The following CNTNAP3 variants were observed in gnomAD, a reference collection of about 807,000 sequenced individuals.
CNTNAP3 encodes contactin associated protein family member 3.
In CNTNAP3, 36 loss-of-function variants were observed where a neutral mutation model predicts 92.1. That is an observed-to-expected ratio of 0.39 (90% CI 0.30 to 0.52). CNTNAP3 has a LOEUF of 0.52. Among genes scored for constraint, CNTNAP3 ranks in the 20% least tolerant of loss-of-function variants. The pLI is 0.76. For missense variants in CNTNAP3, 534 were observed against 1,069.6 expected, an observed-to-expected ratio of 0.50 and a Z score of 6.98; for synonymous variants, 232 against 422.3, an observed-to-expected ratio of 0.55 and a Z score of 5.53.
intron 13 of CNTNAP3, among the ~76,000 whole-genome samples, chr9:39,128,790 T>G (rs1821208082): frequency 6.7e-6 from 1 of 150,128 alleles, no homozygotes; most frequent in African/African-American, 2.5e-5. Flanking sequence ...CCAAGGAAAC[T>G]AAAAAAAAAT....
At chr9:39,109,678 G>A (rs1439791924) in intron 14 of CNTNAP3, among the ~76,000 whole-genome samples, 1 of 152,094 alleles carries the variant, frequency 6.6e-6, no homozygotes, top group African/African-American at 2.4e-5. Context: ...TTTTAAAAAT[G>A]TAAAGAAAAC....
intron 17 of CNTNAP3, among the ~76,000 whole-genome samples, chr9:39,100,373 T>C (rs933180963): frequency 3.3e-5 from 5 of 152,214 alleles, no homozygotes; most frequent in African/African-American, 1.2e-4. Flanking sequence ...ATGGTGAGTC[T>C]GGCAAATAGT....
In CNTNAP3 at chr9:39,072,604, C is replaced by T. The variant is rs1825653161; in HGVS notation, c.*1286G>A. On this transcript the variant is annotated 3_prime_UTR_variant, in exon 24 of 24. Coordinates refer to ENST00000297668, the MANE Select transcript of CNTNAP3 (RefSeq NM_033655.5). ...GGGAATTTGGCCCCATGGTCATAAACCTGTGATCAGACTGGCAGATTTAAT... is the reference window on the plus strand; with the variant it reads ...GGGAATTTGGCCCCATGGTCATAAATCTGTGATCAGACTGGCAGATTTAAT... Among the ~76,000 whole-genome samples, 1 of 152,114 alleles carries T rather than the reference C, an allele frequency of 6.6e-6. No individual in the cohort carries two copies. The highest frequency in any genetic ancestry group is 2.4e-5 in the African/African-American group (1 of 41,396).
intron 15 of CNTNAP3, among the ~76,000 whole-genome samples, chr9:39,108,618 G>A (rs1282410275): frequency 2.6e-5 from 4 of 152,154 alleles, no homozygotes; most frequent in African/African-American, 7.2e-5. Context: ...CCCGTGCTAC[G>A]CAGTAGGTAG....
At position 39,067,513 on chromosome 9, in the gene CNTNAP3, C is replaced by T. The variant is rs1487599615; in HGVS notation, c.*6377G>A. On this transcript the variant is annotated 3_prime_UTR_variant, in exon 24 of 24. Transcript: ENST00000297668. ...CCCGGGTTCATGCCATTCTCCTGCC[C>T]CAGCCTCCCGAGTAGCTGGGACTTC... Among the ~76,000 whole-genome samples the T allele has an allele frequency of 1.3e-5, 2 of 152,408 alleles. No individual in the cohort carries two copies. Among genetic ancestry groups the T allele is most frequent in the African/African-American group, 2.4e-5 (1 of 41,606 alleles).
At chr9:39,118,891 C>T (rs2645587) in intron 13 of CNTNAP3, among the ~76,000 whole-genome samples, 11 of 152,260 alleles carry the variant, frequency 7.2e-5, no homozygotes, top group African/African-American at 2.2e-4. Context: ...ACAGCTCTGA[C>T]GAGTGCACCT....
rs1343211812 is a variant in CNTNAP3, at chr9:39,070,840, A to C, written c.*3050T>G. On this transcript the variant is annotated 3_prime_UTR_variant, in exon 24 of 24. Transcript: ENST00000297668. ...AATTAAAAAATAAAAAAGATTTCCC[A>C]TCAAATATTCTTTCAGAGAAGATGT... Among the ~76,000 whole-genome samples the C allele has an allele frequency of 6.6e-6, 1 of 152,238 alleles. No homozygotes were observed. Among genetic ancestry groups the C allele is most frequent in the South Asian group, 2.1e-4 (1 of 4,838 alleles).
chr9:39,148,100 C>A (rs1293667647), intron 10 of CNTNAP3, among the ~76,000 whole-genome samples: 3 of 151,828 alleles, frequency 2.0e-5, no homozygotes, highest in Non-Finnish European at 4.4e-5. Flanking sequence ...GAGCAAATGG[C>A]CAGAAACCTT....
rs1387287819 is a variant in CNTNAP3, at chr9:39,283,883, A to G, written c.85+4097T>C. 5.6e-4 allele frequency among the ~76,000 whole-genome samples: 2 copies of G among 3,572 alleles called. 1 individual carries two copies. Among genetic ancestry groups the G allele is most frequent in the African/African-American group, 5.9e-4 (2 of 3,366 alleles). 2.3% of individuals were successfully genotyped at this position (3,572 alleles called of 152,430 possible). A position where few individuals can be genotyped will look rare whatever the true frequency, so the allele number is the denominator to read the frequency against. On this transcript the variant is annotated intron_variant, in intron 1 of 23. Coordinates refer to ENST00000297668, the MANE Select transcript of CNTNAP3 (RefSeq NM_033655.5). ...AATCTACATCTCTTAGGTAAAATGC[A>G]TCAATTTAACTACATTTACTTATTC...
chr9:39,149,757 C>T (rs541772917), intron 10 of CNTNAP3, 49 bp downstream of exon 10: 44 of 1,200,084 alleles, frequency 3.7e-5, no homozygotes, highest in Non-Finnish European at 4.5e-5. Flanking sequence ...CATTTGCTTT[C>T]TTCAACTTTG....
At chr9:39,124,559 T>A (rs1383276222) in intron 13 of CNTNAP3, among the ~76,000 whole-genome samples, 1 of 152,120 alleles carries the variant, frequency 6.6e-6, no homozygotes, top group Non-Finnish European at 1.5e-5. Context: ...GAAACTACCA[T>A]CAGAGTGAAC....
At chr9:39,112,992 A>G (rs943625760) in intron 14 of CNTNAP3, among the ~76,000 whole-genome samples, 1 of 152,152 alleles carries the variant, frequency 6.6e-6, no homozygotes, top group Non-Finnish European at 1.5e-5. Context: ...TTACAGACTA[A>G]TTTGATGAGA....
At position 39,152,248 on chromosome 9, in the gene CNTNAP3, TC is replaced by T. The variant is rs752879232; in HGVS notation, c.1478-2272del. Among the ~76,000 whole-genome samples, 19 of 128,212 alleles carry T rather than the reference TC, an allele frequency of 1.5e-4. 2 individuals are homozygous for T. Among genetic ancestry groups the T allele is most frequent in the Non-Finnish European group, 2.8e-4 (17 of 59,984 alleles). The allele number at this position is 128,212 out of a possible 152,430, so 84.1% of individuals were successfully genotyped here. ...TTCTATTTTAATAACTGAAGCTTTA[TC>T]TCTTTAACTTTAATATTTTCTGCTT... On this transcript the variant is annotated intron_variant, in intron 9 of 23. Coordinates refer to ENST00000297668, the MANE Select transcript of CNTNAP3 (RefSeq NM_033655.5).
intron 13 of CNTNAP3, among the ~76,000 whole-genome samples, chr9:39,122,683 A>C (rs2117992929): frequency 6.6e-6 from 1 of 152,348 alleles, no homozygotes; most frequent in Non-Finnish European, 1.5e-5. Flanking sequence ...CCAATACAAC[A>C]TGTCTGGCTT....
chr9:39,125,637 G>A (rs555710454), intron 13 of CNTNAP3, among the ~76,000 whole-genome samples: 1 of 152,168 alleles, frequency 6.6e-6, no homozygotes, highest in East Asian at 1.9e-4. Flanking sequence ...GCTAGAGAAA[G>A]ATATACCATG....
chr9:39,119,686 T>G (rs1269770318), intron 13 of CNTNAP3, among the ~76,000 whole-genome samples: 3 of 152,176 alleles, frequency 2.0e-5, no homozygotes, highest in Non-Finnish European at 4.4e-5. Context: ...TAAAAGATCT[T>G]GTAGACTTGT....
intron 13 of CNTNAP3, among the ~76,000 whole-genome samples, chr9:39,127,697 C>G (rs1398112125): frequency 6.6e-6 from 1 of 152,070 alleles, no homozygotes; most frequent in Non-Finnish European, 1.5e-5. Flanking sequence ...AAAGTACAAA[C>G]TACCACAATT....
At chr9:39,141,893 C>A (rs1427620060) in intron 11 of CNTNAP3, among the ~76,000 whole-genome samples, 1 of 151,978 alleles carries the variant, frequency 6.6e-6, no homozygotes, top group African/African-American at 2.4e-5. Context: ...GAGTTATATA[C>A]AATTAATAAT....
At chr9:39,083,955 T>C (rs1394347416) in intron 21 of CNTNAP3, among the ~76,000 whole-genome samples, 2 of 151,634 alleles carry the variant, frequency 1.3e-5, no homozygotes, top group African/African-American at 4.9e-5. Flanking sequence ...CAAAATCATA[T>C]TGAGGTGCTC....
Sources: gnomAD v4.1 joint callset for allele counts (sites outside exome capture counted in the v4.1 genomes callset) on GRCh38, gnomAD v4.1.1 for gene constraint, MANE v1.5 for transcripts, NCBI Gene and HGNC (gene_info 2026-07-23, HGNC 2026-07-21) for gene names.